The following STAG1 variants were observed in gnomAD, a reference collection of about 807,000 sequenced individuals.
STAG1 encodes the protein cohesin subunit SA-1.
A neutral mutation model predicts 170.9 loss-of-function variants in STAG1; 26 were observed. The observed-to-expected ratio is 0.15, with a 90% CI of 0.11 to 0.21. The LOEUF is 0.21. Among genes scored for constraint, STAG1 ranks in the 10% least tolerant of loss-of-function variants. STAG1 has a pLI of 1.00. For synonymous variants in STAG1, 514 were observed against 497.7 expected, an observed-to-expected ratio of 1.03 and a Z score of -0.44; for missense variants, 964 against 1,509.5, an observed-to-expected ratio of 0.64 and a Z score of 5.99.
chr3:136,621,321 C>G (rs1040596304), intron 3 of STAG1, among the ~76,000 whole-genome samples: 4 of 152,138 alleles, frequency 2.6e-5, no homozygotes, highest in African/African-American at 4.8e-5. Context: ...TTGGGGAGAA[C>G]AAATTCAAGT....
chr3:136,422,421 G>T lies in STAG1; in HGVS notation c.2026C>A (p.Leu676Ile). Residue 676 changes from leucine (L) to isoleucine (I), a missense_variant, in exon 19 of 34, where the codon CTA (leucine) becomes ATA (isoleucine). Coordinates refer to ENST00000383202, the MANE Select transcript of STAG1 (RefSeq NM_005862.3). ...VDRFNHSVED[L>I]LQEGEEADDD... The stretch of plus-strand genomic sequence containing the variant: ...ACTTTAGAACAGACCTCTTGCAATA[G>T]GTCTTCCACAGAATGATTGAATCGA... 6.2e-7 allele frequency: 1 copy of T among 1,613,872 alleles called. No individual in the cohort carries two copies. Among genetic ancestry groups the T allele is most frequent in the Non-Finnish European group, 8.5e-7 (1 of 1,179,928 alleles).
intron 4 of STAG1, among the ~76,000 whole-genome samples, chr3:136,600,804 A>G (rs1184651350): frequency 6.6e-6 from 1 of 152,118 alleles, no homozygotes; most frequent in Non-Finnish European, 1.5e-5. Flanking sequence ...AAATGCTGGG[A>G]TTACAGGCGT....
chr3:136,744,470 A>C (rs977731643), intron 1 of STAG1, among the ~76,000 whole-genome samples: 2 of 152,182 alleles, frequency 1.3e-5, no homozygotes, highest in Non-Finnish European at 2.9e-5. Context: ...CTGCTGACAA[A>C]AGTGAGAATG....
chr3:136,370,332 A>G (rs532965491), intron 23 of STAG1, among the ~76,000 whole-genome samples: 9 of 152,034 alleles, frequency 5.9e-5, no homozygotes, highest in African/African-American at 2.2e-4. Context: ...GGCCTAGGCT[A>G]ATGTATGTGT....
intron 1 of STAG1, among the ~76,000 whole-genome samples, chr3:136,644,352 C>T (rs1196460195): frequency 6.6e-6 from 1 of 152,040 alleles, no homozygotes; most frequent in Non-Finnish European, 1.5e-5. Flanking sequence ...TAATCATAAC[C>T]ATACACTTTT....
At chr3:136,403,600 G>A (rs557795551) in intron 21 of STAG1, among the ~76,000 whole-genome samples, 38 of 152,196 alleles carry the variant, frequency 2.5e-4, no homozygotes, top group Non-Finnish European at 4.0e-4. Context: ...TAAATTACTA[G>A]AAGAGTGATA....
intron 6 of STAG1, among the ~76,000 whole-genome samples, chr3:136,527,779 CTGTT>C (rs1935127833): frequency 1.3e-5 from 2 of 152,096 alleles, no homozygotes; most frequent in Admixed American, 1.3e-4. Context: ...GATGTCCTTT[CTGTT>C]TGTTAGTTTT....
chr3:136,723,838 G>GA (rs1933478507), intron 1 of STAG1, among the ~76,000 whole-genome samples: 1 of 143,702 alleles, frequency 7.0e-6, no homozygotes, highest in Admixed American at 6.8e-5. Context: ...AGGTGGGGGG[G>GA]TCAGCCCCCC....
intron 1 of STAG1, among the ~76,000 whole-genome samples, chr3:136,646,183 TTACC>T (rs1390265696): frequency 6.6e-6 from 1 of 152,122 alleles, no homozygotes; most frequent in African/African-American, 2.4e-5. Context: ...ACATGAATGA[TTACC>T]TAAACCACTT....
At chr3:136,582,916 G>A (rs1937623664) in intron 4 of STAG1, among the ~76,000 whole-genome samples, 1 of 152,074 alleles carries the variant, frequency 6.6e-6, no homozygotes, top group Non-Finnish European at 1.5e-5. Context: ...CAATAGTAAA[G>A]AAAAGAATCA....
At chr3:136,424,732 G>A (rs1408422904) in intron 16 of STAG1, among the ~76,000 whole-genome samples, 2 of 152,048 alleles carry the variant, frequency 1.3e-5, no homozygotes, top group Non-Finnish European at 2.9e-5. Flanking sequence ...CTATGAAGAA[G>A]GAATTTGCCA....
At chr3:136,736,876 G>C in intron 1 of STAG1, 1 of 1,582,686 alleles carries the variant, frequency 6.3e-7, no homozygotes, top group Non-Finnish European at 8.7e-7. Flanking sequence ...TTCTTTTCCT[G>C]CCTGAATTAC....
At chr3:136,695,420 G>A (rs1206215115) in intron 1 of STAG1, among the ~76,000 whole-genome samples, 1 of 150,790 alleles carries the variant, frequency 6.6e-6, no homozygotes, top group Non-Finnish European at 1.5e-5. Context: ...CTGGGCAACA[G>A]AGTGAGACTC....
Position 136,363,429 on chromosome 3 carries a change from C to G in STAG1, c.2724G>C (p.Leu908=). 6.2e-7 allele frequency: 1 copy of G among 1,601,668 alleles called. No homozygotes were observed. Among genetic ancestry groups the G allele is most frequent in the Admixed American group, 1.7e-5 (1 of 59,214 alleles). ...NDYGDIIKET[L]SKTRQIDKIQ... ...TTTTATCAATCTGCCTGGTTTTACT[C>G]AGTGTTTCCTTAATAATATCACCAT... Residue 908 remains leucine, a synonymous_variant, in exon 26 of 34, where the codon CTG becomes CTC. Transcript: ENST00000383202.
At chr3:136,551,249 GAGAGAGA>G (rs1936382781) in intron 5 of STAG1, among the ~76,000 whole-genome samples, 6 of 146,738 alleles carry the variant, frequency 4.1e-5, no homozygotes, top group East Asian at 2.0e-4. Context: ...GAGAGAGAGA[GAGAGAGA>G]GAGAGGGAGA....
At chr3:136,583,190 T>A (rs1937632510) in intron 4 of STAG1, among the ~76,000 whole-genome samples, 1 of 152,270 alleles carries the variant, frequency 6.6e-6, no homozygotes, top group East Asian at 1.9e-4. Context: ...AAAAATTAAT[T>A]CAGGGTAAGG....
At chr3:136,456,680 C>A (rs151059413) in intron 13 of STAG1, among the ~76,000 whole-genome samples, 1 of 152,102 alleles carries the variant, frequency 6.6e-6, no homozygotes. Flanking sequence ...ACAAATTCAA[C>A]CCAAAGAGGA....
At chr3:136,341,894 C>T (rs1560044241) in intron 30 of STAG1, among the ~76,000 whole-genome samples, 1 of 152,226 alleles carries the variant, frequency 6.6e-6, no homozygotes, top group Non-Finnish European at 1.5e-5. Flanking sequence ...GGCTTGGCAG[C>T]TGAAAGTTCT....
intron 22 of STAG1, among the ~76,000 whole-genome samples, chr3:136,384,818 A>T (rs1416165193): frequency 6.6e-6 from 1 of 152,092 alleles, no homozygotes; most frequent in Non-Finnish European, 1.5e-5. Context: ...AATTACTCAA[A>T]TATATTTATA....
Sources: gnomAD v4.1 joint callset for allele counts (sites outside exome capture counted in the v4.1 genomes callset) on GRCh38, gnomAD v4.1.1 for gene constraint, MANE v1.5 for transcripts, NCBI Gene and HGNC (gene_info 2026-07-23, HGNC 2026-07-21) for gene names.